Variants in GDA observed in about 807,000 individuals in gnomAD.
The protein encoded by GDA is guanine deaminase.
GDA carries 18 observed loss-of-function variants against 59.6 expected under a neutral mutation model. That is an observed-to-expected ratio of 0.30 (90% CI 0.21 to 0.45). The LOEUF is 0.45. Among genes scored for constraint, GDA ranks in the 20% least tolerant of loss-of-function variants. The pLI is 1.00. For missense variants in GDA, 427 were observed against 552.3 expected, an observed-to-expected ratio of 0.77 and a Z score of 2.27; for synonymous variants, 201 against 201.1, an observed-to-expected ratio of 1.00 and a Z score of 0.00.
intron 1 of GDA, among the ~76,000 whole-genome samples, chr9:72,150,414 T>C (rs1371291228): frequency 6.6e-6 from 1 of 152,176 alleles, no homozygotes; most frequent in Non-Finnish European, 1.5e-5. Context: ...AATGTCTTCT[T>C]TGAATGTATC....
intron 1 of GDA, among the ~76,000 whole-genome samples, chr9:72,152,949 T>C (rs966886167): frequency 6.6e-6 from 1 of 152,198 alleles, no homozygotes; most frequent in Non-Finnish European, 1.5e-5. Context: ...CTTTAATCCA[T>C]CTTGAATTAA....
In GDA at chr9:72,149,508, G is replaced by A. The variant is rs2130691671; in HGVS notation, c.-52G>A. Reference sequence around the variant, plus strand: ...CTGCAGAGAGTCCCGCTGCGTCTCCGCCGCGTGCGCCCTCCTCGACCAGCA... The same window carrying A: ...CTGCAGAGAGTCCCGCTGCGTCTCCACCGCGTGCGCCCTCCTCGACCAGCA... On this transcript the variant is annotated 5_prime_UTR_variant, in exon 1 of 14. Coordinates refer to ENST00000358399, the MANE Select transcript of GDA (RefSeq NM_004293.5). The A allele has an allele frequency of 2.5e-6, 4 of 1,597,342 alleles. No homozygotes were observed. Among genetic ancestry groups the A allele is most frequent in the Non-Finnish European group, 3.4e-6 (4 of 1,175,234 alleles).
chr9:72,177,118 A>C (rs1340469606), intron 1 of GDA, among the ~76,000 whole-genome samples: 2 of 73,236 alleles, frequency 2.7e-5, no homozygotes, highest in Non-Finnish European at 5.0e-5. Flanking sequence ...TTTTTTTTTG[A>C]GATGGAGTCT....
At chr9:72,258,318 G>GA (rs199634771), downstream of GDA, among the ~76,000 whole-genome samples, 6,416 of 149,442 alleles carry the variant, frequency 0.043, 196 homozygotes, top group Middle Eastern at 0.075. Context: ...GCCTCAAAAA[G>GA]AAAAAAAAAG....
intron 2 of GDA, among the ~76,000 whole-genome samples, chr9:72,201,028 A>G (rs1833934936): frequency 1.3e-5 from 2 of 151,998 alleles, no homozygotes; most frequent in African/African-American, 4.8e-5. Flanking sequence ...CATACTTACT[A>G]AGTTTCTTGT....
intron 1 of GDA, among the ~76,000 whole-genome samples, chr9:72,150,703 C>T (rs1827102634): frequency 6.6e-6 from 1 of 152,140 alleles, no homozygotes; most frequent in Non-Finnish European, 1.5e-5. Flanking sequence ...AAGATGCTAC[C>T]GAGTCGGTGA....
At chr9:72,126,636 G>A (rs890408925) in intron 1 of GDA, among the ~76,000 whole-genome samples, 2 of 146,830 alleles carry the variant, frequency 1.4e-5, no homozygotes, top group Admixed American at 6.9e-5. Context: ...GCGCGATCTC[G>A]GCTCACTGCA....
Position 72,245,163 on chromosome 9 carries a change from G to T in GDA, c.1151G>T (p.Gly384Val). 1 of 1,613,840 alleles carries T rather than the reference G, an allele frequency of 6.2e-7. No individual in the cohort carries two copies. The highest frequency in any genetic ancestry group is 8.5e-7 in the Non-Finnish European group (1 of 1,179,804). ...TTCTCAATAGCCCTGGGGCTGGATG[G>T]TGAGATTGGAAACTTTGAAGTGGGC... The part of the protein sequence containing the change: ...LGGSQALGLD[G>V]EIGNFEVGKE... Residue 384 changes from glycine (G) to valine (V), a missense_variant, in exon 12 of 14, where the codon GGT becomes GTT. Physicochemically the swap from Gly to Val is moderately radical, Grantham distance 109. Coordinates refer to ENST00000358399, the MANE Select transcript of GDA (RefSeq NM_004293.5).
At chr9:72,136,648 T>C (rs1248424753) in intron 1 of GDA, among the ~76,000 whole-genome samples, 3 of 152,092 alleles carry the variant, frequency 2.0e-5, no homozygotes, top group Non-Finnish European at 4.4e-5. Flanking sequence ...GCACAAACAG[T>C]GACATTTTCA....
At chr9:72,195,010 A>G (rs1832981392) in intron 1 of GDA, among the ~76,000 whole-genome samples, 1 of 152,188 alleles carries the variant, frequency 6.6e-6, no homozygotes, top group African/African-American at 2.4e-5. Context: ...GGGGTAGGGA[A>G]GGGGTAGCAT....
chr9:72,214,014 T>G, intron 5 of GDA, 23 bp downstream of exon 5: 1 of 1,292,242 alleles, frequency 7.7e-7, no homozygotes, highest in Non-Finnish European at 1.1e-6. Flanking sequence ...TTTGTCTTGA[T>G]TTGTCTTACA....
At chr9:72,228,081 G>T (rs1373586730) in intron 9 of GDA, 41 bp downstream of exon 9, 4 of 1,136,718 alleles carry the variant, frequency 3.5e-6, no homozygotes, top group Admixed American at 1.8e-5. Context: ...CGAATGATTG[G>T]GTTGCAGATT....
chr9:72,180,222 T>C (rs1017847723), intron 1 of GDA, among the ~76,000 whole-genome samples: 1 of 151,942 alleles, frequency 6.6e-6, no homozygotes, highest in African/African-American at 2.4e-5. Flanking sequence ...CCAGGCATGG[T>C]GGTGGGTGCC....
chr9:72,139,739 G>A (rs1195320470), intron 1 of GDA, among the ~76,000 whole-genome samples: 2 of 152,146 alleles, frequency 1.3e-5, no homozygotes, highest in Non-Finnish European at 2.9e-5. Flanking sequence ...GGGAATCTCA[G>A]TTTTATATCC....
At chr9:72,246,293 GCC>G (rs1840132890) in intron 12 of GDA, among the ~76,000 whole-genome samples, 1 of 152,028 alleles carries the variant, frequency 6.6e-6, no homozygotes, top group South Asian at 2.1e-4. Context: ...GATTACAGGC[GCC>G]CACCACCACA....
At chr9:72,186,908 C>T (rs557267481) in intron 1 of GDA, among the ~76,000 whole-genome samples, 3 of 152,316 alleles carry the variant, frequency 2.0e-5, no homozygotes, top group South Asian at 2.1e-4. Context: ...ACCCACAGGG[C>T]CATTGCACTT....
At chr9:72,208,703 A>G (rs962336246) in intron 3 of GDA, among the ~76,000 whole-genome samples, 5 of 152,202 alleles carry the variant, frequency 3.3e-5, no homozygotes, top group Admixed American at 6.5e-5. Flanking sequence ...TCGGTACTTA[A>G]TCATATTTCT....
downstream of GDA, chr9:72,257,581 C>G (rs559950602): frequency 6.6e-6 from 1 of 152,404 alleles, no homozygotes; most frequent in African/African-American, 2.4e-5. Flanking sequence ...AACCTGGAAT[C>G]TTCCAAGACC....
upstream of GDA, among the ~76,000 whole-genome samples, chr9:72,147,268 C>T (rs1203501272): frequency 3.9e-5 from 6 of 152,126 alleles, no homozygotes; most frequent in African/African-American, 1.4e-4. Context: ...AATGCAGTGG[C>T]GTGATCTCAG....
Sources: gnomAD v4.1 joint callset for allele counts (sites outside exome capture counted in the v4.1 genomes callset) on GRCh38, gnomAD v4.1.1 for gene constraint, MANE v1.5 for transcripts, NCBI Gene and HGNC (gene_info 2026-07-23, HGNC 2026-07-21) for gene names.